Variants in ADAMTSL1 observed in about 807,000 individuals in gnomAD.
ADAMTSL1 encodes the protein ADAMTS like 1.
A neutral mutation model predicts 201.8 loss-of-function variants in ADAMTSL1; 126 were observed. That is an observed-to-expected ratio of 0.62 (90% CI 0.54 to 0.72). The LOEUF (loss-of-function observed/expected upper bound fraction) is 0.72, where lower values mean the gene tolerates loss of function less well. Ranked by LOEUF, ADAMTSL1 falls within the 30% of genes least tolerant of loss-of-function variation. The pLI is 0.00. For missense variants in ADAMTSL1, 2,679 were observed against 2,277.8 expected, an observed-to-expected ratio of 1.18 and a Z score of -3.59; for synonymous variants, 1,121 against 903.4, an observed-to-expected ratio of 1.24 and a Z score of -4.32.
intron 1 of ADAMTSL1, among the ~76,000 whole-genome samples, chr9:17,970,476 C>G (rs1363964193): frequency 6.6e-6 from 1 of 152,000 alleles, no homozygotes; most frequent in Non-Finnish European, 1.5e-5. Context: ...GGTAACCTAG[C>G]CTGAGCCACT....
At chr9:18,885,853 T>TAGA (rs1308565066) in intron 23 of ADAMTSL1, among the ~76,000 whole-genome samples, 1 of 152,078 alleles carries the variant, frequency 6.6e-6, no homozygotes, top group Non-Finnish European at 1.5e-5. Flanking sequence ...AGGCGTCGGA[T>TAGA]AGAAGGCCTG....
chr9:18,389,006 C>T (rs56893565), intron 2 of ADAMTSL1, among the ~76,000 whole-genome samples: 4,430 of 152,084 alleles, frequency 0.029, 225 homozygotes, highest in African/African-American at 0.1. Flanking sequence ...CCACCCTCCT[C>T]GGCCTCCCAA....
At chr9:18,338,766 C>G (rs1835349723) in intron 2 of ADAMTSL1, among the ~76,000 whole-genome samples, 1 of 152,092 alleles carries the variant, frequency 6.6e-6, no homozygotes, top group Admixed American at 6.6e-5. Context: ...TGAATACCCT[C>G]CCTCCTCCCA....
At chr9:18,864,805 C>T (rs184200452) in intron 23 of ADAMTSL1, among the ~76,000 whole-genome samples, 4 of 152,328 alleles carry the variant, frequency 2.6e-5, no homozygotes, top group African/African-American at 9.6e-5. Context: ...TTATAGGTTA[C>T]ATCTGGACTG....
chr9:18,205,339 C>G lies in ADAMTSL1; in HGVS notation c.207+41358C>G, dbSNP rs186251553. ...TCTAAGAGAAGTGAAAATGAAAATA[C>G]ACAATAACATCTTAGGATATGATTT... is the stretch of plus-strand genomic sequence containing the variant. On this transcript the variant is annotated intron_variant, in intron 2 of 29. Transcript: ENST00000680146. 1.5e-3 allele frequency among the ~76,000 whole-genome samples: 225 copies of G among 152,176 alleles called. 1 individual carries two copies. The highest frequency in any genetic ancestry group is 2.7e-3 in the Admixed American group (42 of 15,278).
At chr9:17,990,238 T>C (rs930728893) in intron 1 of ADAMTSL1, among the ~76,000 whole-genome samples, 3 of 152,074 alleles carry the variant, frequency 2.0e-5, no homozygotes, top group African/African-American at 7.2e-5. Flanking sequence ...TTTCCTTTTA[T>C]GTAGCAAGCT....
chr9:18,261,922 TG>T (rs1261784103), intron 2 of ADAMTSL1, among the ~76,000 whole-genome samples: 1 of 152,202 alleles, frequency 6.6e-6, no homozygotes, highest in African/African-American at 2.4e-5. Context: ...GAAAGAAACA[TG>T]GGCTGATGAG....
At chr9:18,339,338 C>T (rs533017237) in intron 2 of ADAMTSL1, among the ~76,000 whole-genome samples, 1 of 152,090 alleles carries the variant, frequency 6.6e-6, no homozygotes, top group Non-Finnish European at 1.5e-5. Flanking sequence ...ATGTGGTCAA[C>T]AAGCATATGA....
chr9:18,677,475 A>T (rs369673601), intron 10 of ADAMTSL1, among the ~76,000 whole-genome samples: 2 of 152,068 alleles, frequency 1.3e-5, no homozygotes, highest in East Asian at 3.8e-4. Flanking sequence ...TGTTCATAGG[A>T]TATATGTATC....
At chr9:18,287,585 GTA>G (rs1220554173) in intron 2 of ADAMTSL1, among the ~76,000 whole-genome samples, 7 of 139,934 alleles carry the variant, frequency 5.0e-5, no homozygotes, top group Admixed American at 2.1e-4. Context: ...AAATATATGT[GTA>G]TATATACACA....
chr9:18,189,841 A>C (rs894063540), intron 2 of ADAMTSL1, among the ~76,000 whole-genome samples: 2 of 152,164 alleles, frequency 1.3e-5, no homozygotes, highest in Non-Finnish European at 2.9e-5. Context: ...AAACTCTCTG[A>C]GAACTACCTT....
rs184323887 is a variant in ADAMTSL1, at chr9:18,588,830, G to T, written c.474+14564G>T. On this transcript the variant is annotated intron_variant, in intron 4 of 28. Coordinates refer to ENST00000380548, the MANE Select transcript of ADAMTSL1 (RefSeq NM_001040272.6). ...CATTGGTGTATCTGTCTGTTTTTAT[G>T]CCAGTACCATGCTGTTGGGGTTACT... 2.2e-5 allele frequency among the ~76,000 whole-genome samples: 3 copies of T among 139,384 alleles called. No individual in the cohort carries two copies. In the East Asian group the frequency reaches 6.0e-4, roughly 28 times the overall value. 91.4% of individuals were successfully genotyped at this position (139,384 alleles called of 152,430 possible).
intron 4 of ADAMTSL1, among the ~76,000 whole-genome samples, chr9:18,587,736 T>G (rs561326183): frequency 2.6e-5 from 4 of 152,306 alleles, no homozygotes; most frequent in African/African-American, 7.2e-5. Flanking sequence ...ACATGCAATA[T>G]TTGTCTTTCT....
rs1056112438 is a variant in ADAMTSL1, at chr9:17,999,450, G to T, written c.87+92528G>T. ...TTTCCTAGTTATCAGTAAGACTTTT[G>T]TTGGTCATTGTAGATTTTTGTTATA... is the stretch of plus-strand genomic sequence containing the variant. On this transcript the variant is annotated intron_variant, in intron 1 of 29. Transcript: ENST00000680146. Among the ~76,000 whole-genome samples the T allele has an allele frequency of 4.0e-5, 6 of 151,846 alleles. No individual in the cohort carries two copies. In the South Asian group the frequency reaches 8.3e-4, roughly 21 times the overall value.
intron 2 of ADAMTSL1, among the ~76,000 whole-genome samples, chr9:18,217,102 G>T (rs570174110): frequency 6.6e-6 from 1 of 152,142 alleles, no homozygotes; most frequent in South Asian, 2.1e-4. Context: ...TTTAATCTGG[G>T]CTCTAAAGGA....
intron 2 of ADAMTSL1, among the ~76,000 whole-genome samples, chr9:18,522,417 G>A (rs1027245032): frequency 6.6e-6 from 1 of 151,958 alleles, no homozygotes; most frequent in African/African-American, 2.4e-5. Context: ...TGAGTTTTTT[G>A]TAGAGTCTCA....
intron 1 of ADAMTSL1, among the ~76,000 whole-genome samples, chr9:18,085,786 C>A (rs1202740147): frequency 6.6e-6 from 1 of 151,236 alleles, no homozygotes; most frequent in African/African-American, 2.4e-5. Flanking sequence ...TATATACACA[C>A]ACACACACAT....
intron 14 of ADAMTSL1, among the ~76,000 whole-genome samples, chr9:18,720,532 C>T (rs1833273118): frequency 1.3e-5 from 2 of 152,182 alleles, no homozygotes; most frequent in African/African-American, 2.4e-5. Context: ...GCCTGTAATC[C>T]CAGCACTTTT....
intron 2 of ADAMTSL1, among the ~76,000 whole-genome samples, chr9:18,516,253 AGAGAGATGGAGACAGATACTG>A: frequency 6.6e-6 from 1 of 152,280 alleles, no homozygotes; most frequent in East Asian, 1.9e-4. Flanking sequence ...AAAGAAAGAG[AGAGAGATGGAGACAGATACTG>A]GATATTAAAA....
Sources: gnomAD v4.1 joint callset for allele counts (sites outside exome capture counted in the v4.1 genomes callset) on GRCh38, gnomAD v4.1.1 for gene constraint, MANE v1.5 for transcripts, NCBI Gene and HGNC (gene_info 2026-07-23, HGNC 2026-07-21) for gene names.